EGFR: variants seen among roughly 807,000 people sequenced by gnomAD.
EGFR encodes avian erythroblastic leukemia viral (v-erb-b) oncogene homolog.
In EGFR, 58 loss-of-function variants were observed where a neutral mutation model predicts 143.0. That is an observed-to-expected ratio of 0.41 (90% confidence interval 0.33 to 0.50). The LOEUF (loss-of-function observed/expected upper bound fraction) is 0.50. Among genes scored for constraint, EGFR ranks in the 20% least tolerant of loss-of-function variants. The pLI is 0.39. For missense variants in EGFR, 1,307 were observed against 1,579.0 expected, an observed-to-expected ratio of 0.83 and a Z score of 2.92; for synonymous variants, 613 against 594.4, an observed-to-expected ratio of 1.03 and a Z score of -0.45.
chr7:55,187,580 A>G (rs984124953), intron 20 of EGFR, among the ~76,000 whole-genome samples: 1 of 152,146 alleles, frequency 6.6e-6, no homozygotes, highest in African/African-American at 2.4e-5. Context: ...GCCTCTTCCG[A>G]GGTCTAGCAC....
chr7:55,087,107 C>T (rs542657197), intron 1 of EGFR, among the ~76,000 whole-genome samples: 9 of 152,018 alleles, frequency 5.9e-5, no homozygotes, highest in Admixed American at 2.6e-4. Context: ...TTTCCCCCCG[C>T]GCTGTGAGTG....
At chr7:55,148,221 G>A (rs888302695) in intron 4 of EGFR, among the ~76,000 whole-genome samples, 1 of 152,120 alleles carries the variant, frequency 6.6e-6, no homozygotes, top group East Asian at 1.9e-4. Flanking sequence ...ATCAAGGTTA[G>A]CATTTCCTCA....
At chr7:55,114,682 G>A (rs1400281364) in intron 1 of EGFR, among the ~76,000 whole-genome samples, 4 of 151,956 alleles carry the variant, frequency 2.6e-5, no homozygotes, top group African/African-American at 9.7e-5. Context: ...GCTTTGAGAT[G>A]ACTGGGGAAT....
intron 1 of EGFR, among the ~76,000 whole-genome samples, chr7:55,121,895 C>G (rs1395785199): frequency 6.6e-6 from 1 of 152,180 alleles, no homozygotes; most frequent in Non-Finnish European, 1.5e-5. Context: ...CCATGTGGGG[C>G]CTGTTCTTCA....
At chr7:55,170,438 T>A (rs1405772617) in intron 15 of EGFR, 1 of 1,614,124 alleles carries the variant, frequency 6.2e-7, no homozygotes, top group Admixed American at 1.7e-5. Context: ...TTAGGATGGA[T>A]CCCTTCTCTT....
chr7:55,171,460 C>G (rs775896184), intron 16 of EGFR, among the ~76,000 whole-genome samples: 2 of 152,208 alleles, frequency 1.3e-5, no homozygotes, highest in East Asian at 3.8e-4. Flanking sequence ...CTCCCTGCTC[C>G]GCCGTTGCTC....
chr7:55,040,183 C>T (rs1787819641), intron 1 of EGFR, among the ~76,000 whole-genome samples: 1 of 152,078 alleles, frequency 6.6e-6, no homozygotes, highest in Non-Finnish European at 1.5e-5. Flanking sequence ...TGGAAGTGGG[C>T]TCTGTGGAGG....
chr7:55,205,470 C>T lies in EGFR; in HGVS notation c.3486C>T (p.Ser1162=), dbSNP rs766347941. The change falls in exon 28 of 28, where the codon AGC becomes AGT. Residue 1162 remains serine, a synonymous_variant. Coordinates refer to ENST00000275493, the MANE Select transcript of EGFR (RefSeq NM_005228.5). ...DSPAHWAQKG[S]HQISLDNPDY... ...CTGCCCACTGGGCCCAGAAAGGCAGCCACCAAATTAGCCTGGACAACCCTG... is the reference window on the plus strand; with the variant it reads ...CTGCCCACTGGGCCCAGAAAGGCAGTCACCAAATTAGCCTGGACAACCCTG... 6.2e-7 allele frequency: 1 copy of T among 1,614,168 alleles called. No individual in the cohort carries two copies. The highest frequency in any genetic ancestry group is 1.1e-5 in the South Asian group (1 of 91,068).
chr7:55,074,094 C>G (rs1789995787), intron 1 of EGFR, among the ~76,000 whole-genome samples: 1 of 152,232 alleles, frequency 6.6e-6, no homozygotes, highest in East Asian at 1.9e-4. Flanking sequence ...ACATCTGCCT[C>G]GCGAAGGCTA....
chr7:55,110,711 A>C (rs1015032532), intron 1 of EGFR, among the ~76,000 whole-genome samples: 2 of 152,108 alleles, frequency 1.3e-5, no homozygotes, highest in Non-Finnish European at 1.5e-5. Flanking sequence ...TAGAATTTCA[A>C]ATATTGCTTT....
chr7:55,178,262 G>A (rs993166105), intron 19 of EGFR, among the ~76,000 whole-genome samples: 5 of 152,328 alleles, frequency 3.3e-5, no homozygotes, highest in East Asian at 3.9e-4. Flanking sequence ...CCCAGACTCC[G>A]GGGGAGAGAT....
At position 55,173,930 on chromosome 7, in the gene EGFR, C is replaced by A. The variant is rs1168763004; in HGVS notation, c.2071C>A (p.Pro691Thr). ...RLLQERELVE[P>T]LTPSGEAPNQ... Reference sequence around the variant, plus strand: ...TTCTTGTCCCCCCCAGCTTGTGGAGCCTCTTACACCCAGTGGAGAAGCTCC... The same window carrying A: ...TTCTTGTCCCCCCCAGCTTGTGGAGACTCTTACACCCAGTGGAGAAGCTCC... The change falls in exon 18 of 28, where the codon CCT becomes ACT. Residue 691 changes from proline to threonine, a missense_variant. Pro to Thr is a conservative substitution (Grantham distance 38, BLOSUM62 -1). This residue lies in a region of EGFR where 348 missense variants were observed against 451.5 expected (regional missense o/e 0.77). Transcript: ENST00000275493. The A allele has an allele frequency of 6.2e-7, 1 of 1,614,254 alleles. No individual in the cohort carries two copies. The highest frequency in any genetic ancestry group is 2.2e-5 in the East Asian group (1 of 44,882).
At chr7:55,060,868 A>G (rs80230508) in intron 1 of EGFR, among the ~76,000 whole-genome samples, 2,328 of 152,312 alleles carry the variant, frequency 0.015, 30 homozygotes, top group Admixed American at 0.028. Flanking sequence ...AGCGTCAAAA[A>G]TCATGGACGT....
At chr7:55,162,800 T>C (rs963369982) in intron 13 of EGFR, among the ~76,000 whole-genome samples, 1 of 152,138 alleles carries the variant, frequency 6.6e-6, no homozygotes, top group Non-Finnish European at 1.5e-5. Flanking sequence ...CACTTTTTTG[T>C]TGTTTTTTGA....
At position 55,191,702 on chromosome 7, in the gene EGFR, G is replaced by A. The variant is rs765782855; in HGVS notation, c.2470-17G>A. 20 of 1,613,330 alleles carry A rather than the reference G, an allele frequency of 1.2e-5. No individual in the cohort carries two copies. In the South Asian group the frequency reaches 2.0e-4, roughly 16 times the overall value. ...CATGATGATCTGTCCCTCACAGCAG[G>A]GTCTTCTCTGTTTCAGGGCATGAAC... On this transcript the variant is annotated splice_polypyrimidine_tract_variant and intron_variant, in intron 20 of 27. Coordinates refer to ENST00000275493, the MANE Select transcript of EGFR (RefSeq NM_005228.5).
intron 1 of EGFR, among the ~76,000 whole-genome samples, chr7:55,105,738 GA>G (rs1174231556): frequency 6.6e-6 from 1 of 152,116 alleles, no homozygotes; most frequent in African/African-American, 2.4e-5. Context: ...TAGAAAGAGT[GA>G]AAGAACTCTG....
chr7:55,076,906 T>C (rs1174843080), intron 1 of EGFR, among the ~76,000 whole-genome samples: 1 of 151,862 alleles, frequency 6.6e-6, no homozygotes, highest in African/African-American at 2.4e-5. Flanking sequence ...AATAAAACAG[T>C]TAGGGAATGA....
chr7:55,124,537 A>C (rs900733952), intron 1 of EGFR, among the ~76,000 whole-genome samples: 1 of 152,230 alleles, frequency 6.6e-6, no homozygotes, highest in African/African-American at 2.4e-5. Context: ...TAGGATTTTC[A>C]TGAAATCTGC....
At chr7:55,062,821 T>C (rs1789269195) in intron 1 of EGFR, among the ~76,000 whole-genome samples, 1 of 152,156 alleles carries the variant, frequency 6.6e-6, no homozygotes, top group Admixed American at 6.5e-5. Context: ...GAAAATGTGC[T>C]TTTAATACAA....
Sources: allele counts gnomAD v4.1 joint callset (sites outside exome capture counted in the v4.1 genomes callset), GRCh38; gene constraint gnomAD v4.1.1; regional missense constraint gnomAD v4.1.1; transcripts MANE v1.5; gene names NCBI Gene and HGNC (gene_info 2026-07-23, HGNC 2026-07-21).